The following MAGI2 variants were observed in gnomAD, a reference collection of about 807,000 sequenced individuals.
MAGI2 encodes the protein membrane associated guanylate kinase, WW and PDZ domain containing 2.
A neutral mutation model predicts 133.3 loss-of-function variants in MAGI2; 35 were observed. The ratio of observed to expected loss-of-function variants is 0.26; its 90% CI spans 0.20 to 0.35. The LOEUF is 0.35. Ranked by LOEUF, MAGI2 falls within the 10% of genes least tolerant of loss-of-function variation. MAGI2 has a pLI of 1.00. For missense variants in MAGI2, 1,636 were observed against 1,863.4 expected (o/e 0.88, Z 2.25); for synonymous variants, 729 against 710.6 (o/e 1.03, Z -0.41).
At chr7:78,222,742 C>T (rs548834959) in intron 10 of MAGI2, among the ~76,000 whole-genome samples, 2 of 152,286 alleles carry the variant, frequency 1.3e-5, no homozygotes, top group East Asian at 3.9e-4. Flanking sequence ...TGCTTCTTAA[C>T]ACATAGGTCC....
At chr7:78,588,992 A>G (rs114704959) in intron 3 of MAGI2, among the ~76,000 whole-genome samples, 2,028 of 152,296 alleles carry the variant, frequency 0.013, 25 homozygotes, top group African/African-American at 0.024. Flanking sequence ...CTTCTTAACT[A>G]TCAGGAAAGG....
chr7:79,274,869 C>A (rs79863495), intron 1 of MAGI2, among the ~76,000 whole-genome samples: 2,101 of 152,178 alleles, frequency 0.014, 48 homozygotes, highest in African/African-American at 0.048. Context: ...GATCTGTGAT[C>A]AGTGATCTTT....
chr7:78,685,139 A>G (rs1441347589), intron 2 of MAGI2, among the ~76,000 whole-genome samples: 2 of 152,194 alleles, frequency 1.3e-5, no homozygotes, highest in Non-Finnish European at 1.5e-5. Context: ...CCTGTTTTTA[A>G]TACCTTCTCC....
intron 6 of MAGI2, among the ~76,000 whole-genome samples, chr7:78,370,984 G>A (rs1296029234): frequency 6.6e-6 from 1 of 151,878 alleles, no homozygotes; most frequent in East Asian, 1.9e-4. Flanking sequence ...TGTGGTTTGA[G>A]TACTGATGGA....
At chr7:79,347,789 T>C (rs1322516841) in intron 1 of MAGI2, among the ~76,000 whole-genome samples, 1 of 151,970 alleles carries the variant, frequency 6.6e-6, no homozygotes, top group Non-Finnish European at 1.5e-5. Flanking sequence ...CTTAAGTACA[T>C]TATTATTTGG....
At chr7:78,030,678 G>A (rs2151059511) in intron 21 of MAGI2, among the ~76,000 whole-genome samples, 1 of 152,288 alleles carries the variant, frequency 6.6e-6, no homozygotes, top group South Asian at 2.1e-4. Flanking sequence ...ACTACAATGA[G>A]ATACCACTGC....
intron 1 of MAGI2, among the ~76,000 whole-genome samples, chr7:79,280,099 A>C (rs1224932552): frequency 2.6e-5 from 4 of 152,222 alleles, no homozygotes; most frequent in Non-Finnish European, 5.9e-5. Context: ...GTACATAGCT[A>C]CATGATGTAG....
chr7:78,052,228 G>T (rs534716508), intron 21 of MAGI2, among the ~76,000 whole-genome samples: 3 of 152,246 alleles, frequency 2.0e-5, no homozygotes, highest in East Asian at 3.9e-4. Context: ...TGGAGGTAGG[G>T]CCTGGGAGGT....
intron 6 of MAGI2, among the ~76,000 whole-genome samples, chr7:78,369,836 T>TCA (rs1238326442): frequency 1.5e-4 from 23 of 151,710 alleles, no homozygotes; most frequent in Non-Finnish European, 3.0e-4. Context: ...TAATTTTAAT[T>TCA]CACACACACA....
In MAGI2 at chr7:79,378,924, G is replaced by GTATATATA. The variant is rs745327540; in HGVS notation, c.301+74095_301+74096insTATATATA. ...TTCTTTTATATATATATATGTGTGT[G>GTATATATA]TGTATATATATATATATATATATAT... On this transcript the variant is annotated intron_variant, in intron 1 of 21. Coordinates refer to ENST00000354212, the MANE Select transcript of MAGI2 (RefSeq NM_012301.4). Among the ~76,000 whole-genome samples, 256 of 48,052 alleles carry GTATATATA rather than the reference G, an allele frequency of 5.3e-3. 2 individuals carry two copies. Among genetic ancestry groups the GTATATATA allele is most frequent in the Middle Eastern group, 8.9e-3 (1 of 112 alleles). 31.5% of individuals were successfully genotyped at this position (48,052 alleles called of 152,430 possible).
intron 2 of MAGI2, among the ~76,000 whole-genome samples, chr7:78,828,992 C>T (rs572666244): frequency 1.3e-5 from 2 of 152,172 alleles, no homozygotes; most frequent in Admixed American, 6.5e-5. Context: ...TATGTCAACT[C>T]AGTAACATTG....
intron 1 of MAGI2, among the ~76,000 whole-genome samples, chr7:79,349,609 C>G (rs976802349): frequency 8.6e-5 from 13 of 151,942 alleles, no homozygotes; most frequent in African/African-American, 3.1e-4. Flanking sequence ...GTCAAGGTCC[C>G]ATGGCTTAAA....
intron 9 of MAGI2, among the ~76,000 whole-genome samples, chr7:78,271,996 T>G (rs527574035): frequency 1.8e-3 from 279 of 152,310 alleles, no homozygotes; most frequent in African/African-American, 6.3e-3. Flanking sequence ...CTTTTGAGTT[T>G]GTATGTTCTT....
At chr7:78,662,323 G>A (rs1813052172) in intron 2 of MAGI2, among the ~76,000 whole-genome samples, 2 of 152,078 alleles carry the variant, frequency 1.3e-5, no homozygotes. Context: ...CTAGTAACTA[G>A]TTGGCTTAGT....
intron 1 of MAGI2, among the ~76,000 whole-genome samples, chr7:79,025,806 C>T (rs865904057): frequency 1.1e-4 from 17 of 152,172 alleles, no homozygotes; most frequent in African/African-American, 2.2e-4. Flanking sequence ...CAGTGGAAAA[C>T]AAAATGGCAG....
chr7:78,303,600 C>A (rs1191324926), intron 9 of MAGI2, among the ~76,000 whole-genome samples: 1 of 152,106 alleles, frequency 6.6e-6, no homozygotes, highest in Non-Finnish European at 1.5e-5. Context: ...GTGCAGTCAG[C>A]ATCCTCTCCT....
chr7:79,006,986 C>T, intron 2 of MAGI2, 104 bp downstream of exon 2: 1 of 805,938 alleles, frequency 1.2e-6, no homozygotes, highest in South Asian at 2.5e-5. Context: ...TCCAAAAGCC[C>T]ACTATAAAAA....
chr7:79,363,588 T>C (rs187160367), intron 1 of MAGI2, among the ~76,000 whole-genome samples: 3 of 151,252 alleles, frequency 2.0e-5, no homozygotes, highest in East Asian at 3.9e-4. Context: ...ATTTAAGACC[T>C]GAAACTATAA....
intron 2 of MAGI2, among the ~76,000 whole-genome samples, chr7:78,680,030 C>T (rs1443671350): frequency 6.6e-6 from 1 of 152,126 alleles, no homozygotes; most frequent in African/African-American, 2.4e-5. Flanking sequence ...TTGAGGTCTT[C>T]TTCATCTATC....
Sources: gnomAD v4.1 joint callset for allele counts (sites outside exome capture counted in the v4.1 genomes callset) on GRCh38, gnomAD v4.1.1 for gene constraint, MANE v1.5 for transcripts, NCBI Gene and HGNC (gene_info 2026-07-23, HGNC 2026-07-21) for gene names.